The following C16orf96 variants were observed in gnomAD, a reference collection of about 807,000 sequenced individuals.
C16orf96 encodes chromosome 16 open reading frame 96, also known as uncharacterized protein C16orf96.
C16orf96 carries 108 observed loss-of-function variants against 103.6 expected under a neutral mutation model. The ratio of observed to expected loss-of-function variants is 1.04; its 90% CI spans 0.89 to 1.22. The LOEUF is 1.22. Ranked by LOEUF, C16orf96 falls within the 50% of genes most tolerant of loss-of-function variation. C16orf96 has a pLI of 0.00. For missense variants in C16orf96, 1,586 were observed against 1,464.2 expected (o/e 1.08, Z -1.36); for synonymous variants, 566 against 593.5 (o/e 0.95, Z 0.67).
the C16orf96 span, chr16:4,538,610 C>G: frequency 3.3e-5 from 5 of 152,304 alleles, no homozygotes; most frequent in Non-Finnish European, 5.9e-5. Flanking sequence ...CGAGGTCACG[C>G]CCCGACCTGA....
the C16orf96 span, among the ~76,000 whole-genome samples, chr16:4,546,845 G>A: frequency 6.6e-6 from 1 of 152,080 alleles, no homozygotes; most frequent in African/African-American, 2.4e-5. Flanking sequence ...TCCATATAAT[G>A]GAATATTATT....
chr16:4,589,432 A>T (rs1596535872), intron 9 of C16orf96, among the ~76,000 whole-genome samples: 1 of 138,574 alleles, frequency 7.2e-6, no homozygotes, highest in Non-Finnish European at 1.6e-5. Context: ...AAAAAAAAAA[A>T]GCCAGGTGTG....
At chr16:4,558,783 C>T (rs1002594404) in intron 1 of C16orf96, among the ~76,000 whole-genome samples, 10 of 151,992 alleles carry the variant, frequency 6.6e-5, no homozygotes, top group South Asian at 6.2e-4. Context: ...GGCATGCTTG[C>T]GTGCGCCTGT....
At chr16:4,555,698 CTTTTTTTTT>C (rs1166481480), upstream of C16orf96, among the ~76,000 whole-genome samples, 1 of 127,254 alleles carries the variant, frequency 7.9e-6, no homozygotes, top group Non-Finnish European at 1.7e-5. Context: ...CTTTTCTTTT[CTTTTTTTTT>C]TTTTTTTTGA....
At chr16:4,546,735 G>A in the C16orf96 span, among the ~76,000 whole-genome samples, 1 of 152,066 alleles carries the variant, frequency 6.6e-6, no homozygotes, top group African/African-American at 2.4e-5. Flanking sequence ...CTCCTAAAGT[G>A]CTGAGATTAC....
chr16:4,547,009 G>A, the C16orf96 span, among the ~76,000 whole-genome samples: 1 of 150,610 alleles, frequency 6.6e-6, no homozygotes, highest in Non-Finnish European at 1.5e-5. Flanking sequence ...TGGCAGGTCT[G>A]TAACTCCTGG....
intron 1 of C16orf96, among the ~76,000 whole-genome samples, chr16:4,568,709 G>T (rs144400938): frequency 2.8e-4 from 40 of 144,666 alleles, no homozygotes; most frequent in African/African-American, 9.7e-4. Flanking sequence ...GCTCACTTCA[G>T]CCTCAACCTC....
the C16orf96 span, among the ~76,000 whole-genome samples, chr16:4,540,977 G>A: frequency 3.3e-5 from 5 of 150,524 alleles, no homozygotes; most frequent in South Asian, 4.2e-4. Flanking sequence ...GCAGTGGCTC[G>A]ATCTCGGCTC....
intron 2 of C16orf96, among the ~76,000 whole-genome samples, chr16:4,572,876 T>A (rs866334569): frequency 6.6e-6 from 1 of 152,128 alleles, no homozygotes; most frequent in Non-Finnish European, 1.5e-5. Flanking sequence ...CCCCGAGACA[T>A]GAGGCAGCTG....
chr16:4,595,080 C>T (rs542577185), intron 14 of C16orf96, among the ~76,000 whole-genome samples: 8 of 152,276 alleles, frequency 5.3e-5, no homozygotes, highest in East Asian at 1.9e-4. Flanking sequence ...TGACGAAGGA[C>T]GATGAGCTAG....
chr16:4,583,215 G>A (rs1173345736), intron 7 of C16orf96, among the ~76,000 whole-genome samples: 2 of 151,956 alleles, frequency 1.3e-5, no homozygotes, highest in Non-Finnish European at 2.9e-5. Context: ...TCCAGCCTGG[G>A]CAACAAGAGC....
upstream of C16orf96, among the ~76,000 whole-genome samples, chr16:4,553,202 G>A (rs2059238359): frequency 6.6e-6 from 1 of 152,174 alleles, no homozygotes; most frequent in Non-Finnish European, 1.5e-5. Flanking sequence ...GGATGGACTG[G>A]TAATGACCTC....
At chr16:4,567,444 C>T (rs577231092) in intron 1 of C16orf96, among the ~76,000 whole-genome samples, 9 of 150,062 alleles carry the variant, frequency 6.0e-5, no homozygotes, top group East Asian at 5.8e-4. Flanking sequence ...CCACCACGCC[C>T]GGCTAATTTT....
chr16:4,542,374 A>T, the C16orf96 span, among the ~76,000 whole-genome samples: 68 of 152,208 alleles, frequency 4.5e-4, no homozygotes, highest in Non-Finnish European at 1.9e-4. Context: ...CTAAAAAAAT[A>T]AATAAATAAA....
Position 4,571,546 on chromosome 16 carries a change from C to T in C16orf96, c.421-15C>T. 1 of 1,549,656 alleles carries T rather than the reference C, an allele frequency of 6.5e-7. No homozygotes were observed. The highest frequency in any genetic ancestry group is 1.2e-5 in the South Asian group (1 of 83,764). On this transcript the variant is annotated splice_polypyrimidine_tract_variant and intron_variant, in intron 1 of 15. Transcript: ENST00000444310. ...AGCCATACCCGGCTTCACATTTTCT[C>T]CTCCTCTTTTGCAGTCAATGCAGAC... is the stretch of plus-strand genomic sequence containing the variant.
In C16orf96 at chr16:4,556,847, G is replaced by T; in HGVS notation, c.358G>T (p.Asp120Tyr). 1 of 1,551,436 alleles carries T rather than the reference G, an allele frequency of 6.4e-7. No homozygotes were observed. Among genetic ancestry groups the T allele is most frequent in the South Asian group, 1.2e-5 (1 of 84,046 alleles). Residue 120 changes from aspartate (D) to tyrosine (Y), a missense_variant, in exon 1 of 16, where the codon GAC becomes TAC. Physicochemically the swap from Asp to Tyr is radical, Grantham distance 160. Transcript: ENST00000444310. Reference sequence around the variant, plus strand: ...CCAGGGCACTGCCCGGCCCGTCCAGGACCTGTGGCATCTGATCAAGCTCCG... The same window carrying T: ...CCAGGGCACTGCCCGGCCCGTCCAGTACCTGTGGCATCTGATCAAGCTCCG... ...ASQGTARPVQ[D>Y]LWHLIKLRKM...
At chr16:4,582,298 A>C (rs2059598353) in intron 7 of C16orf96, among the ~76,000 whole-genome samples, 1 of 19,882 alleles carries the variant, frequency 5.0e-5, no homozygotes, top group African/African-American at 6.9e-5. Flanking sequence ...ATAAATAAAT[A>C]AATAAATAAA....
At chr16:4,555,882 A>G (rs1310577836), upstream of C16orf96, among the ~76,000 whole-genome samples, 1 of 151,002 alleles carries the variant, frequency 6.6e-6, no homozygotes, top group Non-Finnish European at 1.5e-5. Flanking sequence ...TTTTTTTTGT[A>G]GAAACAGGGT....
At chr16:4,585,312 A>AAAAG (rs60726283) in intron 7 of C16orf96, among the ~76,000 whole-genome samples, 12,284 of 109,832 alleles carry the variant, frequency 0.11, 2,710 homozygotes, top group South Asian at 0.17. Context: ...AAAAAAAAAA[A>AAAAG]TCCAGGTAGG....
Sources: allele counts gnomAD v4.1 joint callset (sites outside exome capture counted in the v4.1 genomes callset), GRCh38; gene constraint gnomAD v4.1.1; transcripts MANE v1.5; gene names NCBI Gene and HGNC (gene_info 2026-07-23, HGNC 2026-07-21).